Variants in DOK5 observed in about 807,000 individuals in gnomAD.
The protein encoded by DOK5 is docking protein 5, also known as downstream of tyrosine kinase 5.
Under a neutral mutation model 43.3 loss-of-function variants are expected in DOK5, and 27 were observed. That is an observed-to-expected ratio of 0.62 (90% confidence interval 0.46 to 0.86). The LOEUF (loss-of-function observed/expected upper bound fraction) is 0.86. DOK5 is among the 40% of genes least tolerant of loss of function. The pLI is 0.00. For synonymous variants in DOK5, 146 were observed against 140.1 expected, an observed-to-expected ratio of 1.04 and a Z score of -0.30; for missense variants, 373 against 392.9, an observed-to-expected ratio of 0.95 and a Z score of 0.43.
chr20:54,542,472 A>G (rs1240773423), intron 1 of DOK5, among the ~76,000 whole-genome samples: 2 of 152,222 alleles, frequency 1.3e-5, no homozygotes, highest in Non-Finnish European at 2.9e-5. Context: ...AGAGAAAGGC[A>G]TTGGAGACAG....
chr20:54,634,830 C>T (rs887592770), intron 6 of DOK5, among the ~76,000 whole-genome samples: 27 of 151,500 alleles, frequency 1.8e-4, no homozygotes, highest in Admixed American at 1.6e-3. Flanking sequence ...TATACATGTA[C>T]CCTTTCAAAC....
intron 6 of DOK5, among the ~76,000 whole-genome samples, chr20:54,622,455 G>A (rs1040119544): frequency 1.3e-5 from 2 of 152,166 alleles, no homozygotes; most frequent in South Asian, 2.1e-4. Context: ...TTTTAATAGT[G>A]CTTTCACCTG....
At chr20:54,488,774 C>A (rs955915523) in intron 1 of DOK5, among the ~76,000 whole-genome samples, 81 of 148,096 alleles carry the variant, frequency 5.5e-4, no homozygotes, top group Middle Eastern at 3.2e-3. Flanking sequence ...CCTCCCCTCC[C>A]TCCCCTCGTC....
At chr20:54,509,460 C>A (rs1354697173) in intron 1 of DOK5, among the ~76,000 whole-genome samples, 1 of 152,170 alleles carries the variant, frequency 6.6e-6, no homozygotes, top group Non-Finnish European at 1.5e-5. Flanking sequence ...TCCCAAAATG[C>A]TGGGATTATA....
At chr20:54,480,951 C>CATCT (rs1555822326) in intron 1 of DOK5, among the ~76,000 whole-genome samples, 3 of 113,804 alleles carry the variant, frequency 2.6e-5, no homozygotes, top group African/African-American at 8.8e-5. Flanking sequence ...ATCTATCTAT[C>CATCT]ATCTATCTAT....
At chr20:54,477,061 G>A (rs1484254623) in intron 1 of DOK5, among the ~76,000 whole-genome samples, 1 of 151,624 alleles carries the variant, frequency 6.6e-6, no homozygotes, top group Non-Finnish European at 1.5e-5. Context: ...GCGGGGGCGG[G>A]GGGAGAAAAT....
chr20:54,519,489 AG>A (rs1486185594), intron 1 of DOK5, among the ~76,000 whole-genome samples: 2 of 152,228 alleles, frequency 1.3e-5, no homozygotes, highest in East Asian at 1.9e-4. Context: ...AGGATGCAAA[AG>A]TTACTATTGC....
At chr20:54,547,469 T>G (rs1368640553) in intron 1 of DOK5, among the ~76,000 whole-genome samples, 1 of 152,194 alleles carries the variant, frequency 6.6e-6, no homozygotes, top group Non-Finnish European at 1.5e-5. Flanking sequence ...TATAGTAAAA[T>G]TAGGAATTCT....
intron 6 of DOK5, among the ~76,000 whole-genome samples, chr20:54,641,859 C>G (rs6023447): frequency 0.029 from 4,453 of 152,194 alleles, 230 homozygotes; most frequent in African/African-American, 0.1. Context: ...TGGGAGGATA[C>G]TTAAATAGCC....
chr20:54,566,436 T>A (rs74385269), intron 2 of DOK5, among the ~76,000 whole-genome samples: 4,705 of 152,186 alleles, frequency 0.031, 141 homozygotes, highest in East Asian at 0.15. Context: ...CTGGGATAAA[T>A]TCTGAAGAAA....
intron 2 of DOK5, among the ~76,000 whole-genome samples, chr20:54,568,729 G>T (rs764274989): frequency 6.6e-6 from 1 of 152,012 alleles, no homozygotes; most frequent in Non-Finnish European, 1.5e-5. Context: ...AGGAGATCGA[G>T]ACCATCCTGG....
chr20:54,593,619 GA>G (rs1349962848), intron 5 of DOK5, among the ~76,000 whole-genome samples: 1 of 152,148 alleles, frequency 6.6e-6, no homozygotes, highest in Non-Finnish European at 1.5e-5. Flanking sequence ...TTGAGCCCAG[GA>G]ATTTGAGAGC....
At chr20:54,630,590 C>T (rs537522958) in intron 6 of DOK5, among the ~76,000 whole-genome samples, 9 of 152,194 alleles carry the variant, frequency 5.9e-5, no homozygotes, top group Non-Finnish European at 1.3e-4. Flanking sequence ...TATTTAAACC[C>T]GCCTGAATGA....
chr20:54,528,702 A>G (rs1193743609), intron 1 of DOK5, among the ~76,000 whole-genome samples: 1 of 152,232 alleles, frequency 6.6e-6, no homozygotes, highest in Non-Finnish European at 1.5e-5. Context: ...GTACTGCCAA[A>G]TAAAAAGAGA....
chr20:54,583,515 C>T (rs1230423013), intron 2 of DOK5, among the ~76,000 whole-genome samples: 1 of 152,044 alleles, frequency 6.6e-6, no homozygotes, highest in Non-Finnish European at 1.5e-5. Flanking sequence ...CTTTCTCTTT[C>T]TCTCTTCAAT....
chr20:54,635,958 T>C (rs1272569783), intron 6 of DOK5, among the ~76,000 whole-genome samples: 1 of 152,210 alleles, frequency 6.6e-6, no homozygotes, highest in Non-Finnish European at 1.5e-5. Flanking sequence ...TTCTAGAGGC[T>C]GGGAAGTCCA....
intron 2 of DOK5, among the ~76,000 whole-genome samples, chr20:54,568,798 C>T (rs971270938): frequency 4.6e-5 from 7 of 151,698 alleles, no homozygotes; most frequent in African/African-American, 9.7e-5. Flanking sequence ...GGTGTGGTGG[C>T]GGGCGCCTGT....
At chr20:54,632,302 C>T (rs1274146937) in intron 6 of DOK5, among the ~76,000 whole-genome samples, 2 of 152,086 alleles carry the variant, frequency 1.3e-5, no homozygotes, top group African/African-American at 4.8e-5. Flanking sequence ...GGCTTTTTGT[C>T]GTTGTTGCCT....
Position 54,525,248 on chromosome 20 carries a change from G to T in DOK5, c.67-29685G>T, listed in dbSNP as rs562293061. ...TTGAAAATCATTAAATTACCCACCT[G>T]ATTAACTAGCGGGTACAGAGGAATA... On this transcript the variant is annotated intron_variant, in intron 1 of 7. Transcript: ENST00000262593. Among the ~76,000 whole-genome samples, 3 of 152,310 alleles carry T rather than the reference G, an allele frequency of 2.0e-5. No homozygotes were observed. The East Asian group carries it at 5.8e-4, about 29-fold the overall frequency.
Sources: allele counts gnomAD v4.1 joint callset (sites outside exome capture counted in the v4.1 genomes callset), GRCh38; gene constraint gnomAD v4.1.1; transcripts MANE v1.5; gene names NCBI Gene and HGNC (gene_info 2026-07-23, HGNC 2026-07-21).